TENM3: variants seen among roughly 807,000 people sequenced by gnomAD.
TENM3 encodes teneurin transmembrane protein 3.
A neutral mutation model predicts 255.1 loss-of-function variants in TENM3; 63 were observed. The ratio of observed to expected loss-of-function variants is 0.25; its 90% CI spans 0.20 to 0.30. The LOEUF is 0.30. Ranked by LOEUF, TENM3 falls within the 10% of genes least tolerant of loss-of-function variation. The pLI, the probability that TENM3 is intolerant of heterozygous loss-of-function variation, is 1.00. For missense variants in TENM3, 2,929 were observed against 3,461.1 expected (o/e 0.85, Z 3.86); for synonymous variants, 1,306 against 1,322.3 (o/e 0.99, Z 0.27).
chr4:182,416,096 A>G (rs552246041), intron 3 of TENM3, among the ~76,000 whole-genome samples: 1 of 152,360 alleles, frequency 6.6e-6, no homozygotes, highest in East Asian at 1.9e-4. Context: ...TTGCTATAAT[A>G]TTTGTGAAAA....
intron 5 of TENM3, among the ~76,000 whole-genome samples, chr4:182,647,086 G>A (rs915483110): frequency 6.6e-6 from 1 of 152,186 alleles, no homozygotes; most frequent in Non-Finnish European, 1.5e-5. Context: ...GACCTTCAGT[G>A]TACAGTCAGA....
chr4:182,246,927 G>A (rs989421825), intron 1 of TENM3, among the ~76,000 whole-genome samples: 6 of 152,194 alleles, frequency 3.9e-5, no homozygotes, highest in Non-Finnish European at 8.8e-5. Flanking sequence ...TGGGAGTGGA[G>A]GGGAAGTTGA....
the TENM3 span, among the ~76,000 whole-genome samples, chr4:181,513,670 A>G: frequency 2.0e-5 from 3 of 152,236 alleles, no homozygotes; most frequent in East Asian, 1.9e-4. Context: ...CTGCTTCAAC[A>G]CTATACACAA....
chr4:182,248,639 A>C (rs946861148), intron 1 of TENM3, among the ~76,000 whole-genome samples: 1 of 152,212 alleles, frequency 6.6e-6, no homozygotes, highest in East Asian at 1.9e-4. Flanking sequence ...GTAACAATGT[A>C]ATTTTAAAAT....
At chr4:181,910,595 T>C in the TENM3 span, among the ~76,000 whole-genome samples, 1 of 139,886 alleles carries the variant, frequency 7.1e-6, no homozygotes, top group Non-Finnish European at 1.5e-5. Flanking sequence ...TATTTGTATA[T>C]ATATATATAT....
At chr4:181,466,137 G>A in the TENM3 span, among the ~76,000 whole-genome samples, 1 of 50,488 alleles carries the variant, frequency 2.0e-5, no homozygotes, top group Non-Finnish European at 5.0e-5. Flanking sequence ...GTTTTTTTGA[G>A]ACGGAGTTTC....
At position 182,714,284 on chromosome 4, in the gene TENM3, A is replaced by G. The variant is rs1023267857; in HGVS notation, c.2368+51A>G. On this transcript the variant is annotated intron_variant, in intron 13 of 27. Coordinates refer to ENST00000511685, the MANE Select transcript of TENM3 (RefSeq NM_001080477.4). ...AGTCTGTGCCAGAGCACAGGTTCGT[A>G]AGTGACAGTGAGTACATAGATATCT... 2.5e-6 allele frequency: 3 copies of G among 1,221,236 alleles called. No homozygotes were observed. In the African/African-American group the frequency reaches 4.8e-5, roughly 20 times the overall value. The allele number at this position is 1,221,236 out of a possible 1,614,324, so 75.6% of individuals were successfully genotyped here. A position where few individuals can be genotyped will look rare whatever the true frequency, so the allele number is the denominator to read the frequency against.
At chr4:182,333,545 A>G (rs1763915146) in intron 2 of TENM3, among the ~76,000 whole-genome samples, 1 of 152,118 alleles carries the variant, frequency 6.6e-6, no homozygotes, top group Non-Finnish European at 1.5e-5. Context: ...TCTTTATTCA[A>G]ATAAACTCAC....
chr4:181,600,747 C>T, the TENM3 span, among the ~76,000 whole-genome samples: 1 of 151,666 alleles, frequency 6.6e-6, no homozygotes, highest in Non-Finnish European at 1.5e-5. Flanking sequence ...GACAGGCATC[C>T]TTCGACTTGT....
At chr4:182,112,829 T>G in the TENM3 span, among the ~76,000 whole-genome samples, 1 of 152,232 alleles carries the variant, frequency 6.6e-6, no homozygotes, top group Non-Finnish European at 1.5e-5. Flanking sequence ...AGCTCGATAT[T>G]GATTCTCCTC....
chr4:182,230,367 C>T (rs1230785935), intron 1 of TENM3, among the ~76,000 whole-genome samples: 2 of 152,142 alleles, frequency 1.3e-5, no homozygotes, highest in East Asian at 3.9e-4. Context: ...TTTCCTATTA[C>T]CTCTAGCTAC....
At chr4:181,811,572 G>C in the TENM3 span, among the ~76,000 whole-genome samples, 1 of 152,344 alleles carries the variant, frequency 6.6e-6, no homozygotes, top group East Asian at 1.9e-4. Flanking sequence ...AAGGAAAGAG[G>C]TTTAATGGAC....
the TENM3 span, among the ~76,000 whole-genome samples, chr4:181,917,938 A>G: frequency 6.6e-6 from 1 of 152,106 alleles, no homozygotes; most frequent in Non-Finnish European, 1.5e-5. Context: ...CTGGGATTAC[A>G]GGCATGAGCC....
At chr4:181,778,884 G>A in the TENM3 span, among the ~76,000 whole-genome samples, 1 of 152,102 alleles carries the variant, frequency 6.6e-6, no homozygotes, top group South Asian at 2.1e-4. Context: ...AAATAGAGAT[G>A]AGGAACTACT....
intron 1 of TENM3, among the ~76,000 whole-genome samples, chr4:182,271,086 T>C (rs1220031361): frequency 6.6e-6 from 1 of 152,194 alleles, no homozygotes; most frequent in African/African-American, 2.4e-5. Context: ...TCTCTGGTCA[T>C]TTTAAAACTA....
chr4:182,361,652 A>G (rs6846714), intron 3 of TENM3, among the ~76,000 whole-genome samples: 151,201 of 151,724 alleles, frequency 1, 75,340 homozygotes, highest in Middle Eastern at 1. Flanking sequence ...TAACTTCTTT[A>G]CCTTTGGTTT....
intron 3 of TENM3, among the ~76,000 whole-genome samples, chr4:182,382,664 C>T (rs898293880): frequency 6.6e-6 from 1 of 152,168 alleles, no homozygotes; most frequent in Non-Finnish European, 1.5e-5. Flanking sequence ...CCAGATTCCA[C>T]ACCACAGTGT....
At chr4:182,592,099 T>C (rs1319711220) in intron 3 of TENM3, among the ~76,000 whole-genome samples, 4 of 151,390 alleles carry the variant, frequency 2.6e-5, no homozygotes, top group Admixed American at 1.3e-4. Flanking sequence ...ATAAAAATGT[T>C]GAATTTATAA....
At chr4:181,503,251 A>T in the TENM3 span, among the ~76,000 whole-genome samples, 103 of 152,314 alleles carry the variant, frequency 6.8e-4, 2 homozygotes, top group South Asian at 0.019. Flanking sequence ...CTGTGATCCC[A>T]TCTACTCAGG....
Sources: allele counts gnomAD v4.1 joint callset (sites outside exome capture counted in the v4.1 genomes callset), GRCh38; gene constraint gnomAD v4.1.1; transcripts MANE v1.5; gene names NCBI Gene and HGNC (gene_info 2026-07-23, HGNC 2026-07-21).